The following SLC25A17 variants were observed in gnomAD, a reference collection of about 807,000 sequenced individuals.
SLC25A17 encodes solute carrier family 25 member 17, also known as peroxisomal membrane protein PMP34.
In SLC25A17, 26 loss-of-function variants were observed where a neutral mutation model predicts 38.5. The ratio of observed to expected loss-of-function variants is 0.68; its 90% CI spans 0.50 to 0.94. The LOEUF is 0.94. SLC25A17 is among the 40% of genes least tolerant of loss of function. The pLI is 0.00. For synonymous variants in SLC25A17, 139 were observed against 136.2 expected, an observed-to-expected ratio of 1.02 and a Z score of -0.14; for missense variants, 333 against 372.7, an observed-to-expected ratio of 0.89 and a Z score of 0.88.
At chr22:40,782,574 C>T (rs866156920) in intron 4 of SLC25A17, among the ~76,000 whole-genome samples, 6 of 152,106 alleles carry the variant, frequency 3.9e-5, no homozygotes, top group South Asian at 2.1e-4. Flanking sequence ...AAAACACAAA[C>T]GAAGTAGGCT....
At chr22:40,792,438 G>A in intron 4 of SLC25A17, 87 bp downstream of exon 4, 12 of 1,044,086 alleles carry the variant, frequency 1.1e-5, no homozygotes, top group South Asian at 4.5e-5. Context: ...TTCTTTGTAA[G>A]CATTACTTTG....
intron 1 of SLC25A17, among the ~76,000 whole-genome samples, chr22:40,806,265 A>G (rs2057529175): frequency 6.6e-6 from 1 of 152,210 alleles, no homozygotes; most frequent in Non-Finnish European, 1.5e-5. Context: ...ACACACACAT[A>G]CACACACATG....
chr22:40,791,620 G>A (rs1272952281), intron 4 of SLC25A17, among the ~76,000 whole-genome samples: 1 of 151,998 alleles, frequency 6.6e-6, no homozygotes, highest in Admixed American at 6.6e-5. Flanking sequence ...TATACAAATG[G>A]CCAACAAACA....
chr22:40,781,835 T>C (rs563119681), intron 4 of SLC25A17, among the ~76,000 whole-genome samples: 1 of 152,104 alleles, frequency 6.6e-6, no homozygotes, highest in Admixed American at 6.6e-5. Flanking sequence ...GAGAGAAGCA[T>C]GCCACAAACC....
intron 5 of SLC25A17, among the ~76,000 whole-genome samples, chr22:40,778,579 T>A (rs1032518546): frequency 1.4e-4 from 22 of 152,232 alleles, no homozygotes; most frequent in Non-Finnish European, 2.4e-4. Context: ...TATTTTTTTT[T>A]AATTATACTT....
intron 5 of SLC25A17, 26 bp downstream of exon 5, chr22:40,778,983 T>C (rs945543826): frequency 5.3e-5 from 84 of 1,579,038 alleles, no homozygotes; most frequent in Non-Finnish European, 6.7e-5. Flanking sequence ...AACCCTTAAA[T>C]AGGAATTCAG....
In SLC25A17 at chr22:40,797,339, G is replaced by C. The variant is rs747642733; in HGVS notation, c.115+1684C>G. The stretch of plus-strand genomic sequence containing the variant: ...TTACAATTTCAACTTGAACAAATCT[G>C]AGGAAAAAACAAGCAAGAATCACAG... On this transcript the variant is annotated intron_variant, in intron 2 of 8. Transcript: ENST00000435456. The C allele has an allele frequency of 6.2e-6, 8 of 1,299,168 alleles. No homozygotes were observed. The South Asian group carries it at 8.6e-5, about 14-fold the overall frequency. The allele number at this position is 1,299,168 out of a possible 1,614,324, so 80.5% of individuals were successfully genotyped here.
chr22:40,788,475 G>A (rs1569404473), intron 4 of SLC25A17, among the ~76,000 whole-genome samples: 1 of 152,160 alleles, frequency 6.6e-6, no homozygotes, highest in Non-Finnish European at 1.5e-5. Context: ...GACAGATCAC[G>A]AGGTCAGGAG....
chr22:40,807,714 A>G (rs1168922086), intron 1 of SLC25A17, among the ~76,000 whole-genome samples: 1 of 152,106 alleles, frequency 6.6e-6, no homozygotes, highest in Non-Finnish European at 1.5e-5. Context: ...GCGCCACTGC[A>G]CTCCAGACTG....
intron 4 of SLC25A17, among the ~76,000 whole-genome samples, chr22:40,782,407 C>G (rs1355573609): frequency 6.6e-6 from 1 of 151,854 alleles, no homozygotes; most frequent in Admixed American, 6.6e-5. Flanking sequence ...AAATCATTTA[C>G]AAGAAAGAAT....
chr22:40,816,762 C>G (rs781713930), intron 1 of SLC25A17, among the ~76,000 whole-genome samples: 17 of 152,096 alleles, frequency 1.1e-4, no homozygotes, highest in Non-Finnish European at 2.4e-4. Flanking sequence ...AGGCGCCCAC[C>G]ACCATGCCTG....
Position 40,805,116 on chromosome 22 carries a change from C to T in SLC25A17, c.55-6033G>A, listed in dbSNP as rs111373716. Among the ~76,000 whole-genome samples, 838 of 152,294 alleles carry T rather than the reference C, an allele frequency of 5.5e-3. 7 individuals are homozygous for T. The highest frequency in any genetic ancestry group is 0.019 in the East Asian group (99 of 5,184). On this transcript the variant is annotated intron_variant, in intron 1 of 8. Coordinates refer to ENST00000435456, the MANE Select transcript of SLC25A17 (RefSeq NM_006358.4). ...TTTGGGAGGCCAAGGCAGTAGATCA[C>T]TTGAGGTCAAGAGTTCAAGACCAGC...
At position 40,794,568 on chromosome 22, in the gene SLC25A17, C is replaced by A. The variant is rs1432023353; in HGVS notation, c.128G>T (p.Arg43Ile). 6.2e-7 allele frequency: 1 copy of A among 1,609,704 alleles called. No homozygotes were observed. The highest frequency in any genetic ancestry group is 1.3e-5 in the African/African-American group (1 of 74,776). Residue 43 changes from arginine to isoleucine, a missense_variant, in exon 3 of 9, where the codon AGA (arginine) becomes ATA (isoleucine). Physicochemically the swap from Arg to Ile is moderately conservative, Grantham distance 97 (BLOSUM62 -3). Coordinates refer to ENST00000435456, the MANE Select transcript of SLC25A17 (RefSeq NM_006358.4). ...ARLRLQVDEK[R>I]KSKTTHMVLL... ...CACCATGTGTGTAGTTTTGGATTTT[C>A]TTTTCTCATCAACTACAAGACCAAA...
intron 5 of SLC25A17, 56 bp from the exon 6 acceptor site, chr22:40,777,429 A>AAGAC (rs1297471508): frequency 6.4e-7 from 1 of 1,552,450 alleles, no homozygotes; most frequent in Admixed American, 1.9e-5. Flanking sequence ...CCAACTAGAG[A>AAGAC]AGACAACATG....
At chr22:40,774,760 C>T (rs151309869) in intron 7 of SLC25A17, among the ~76,000 whole-genome samples, 3 of 152,228 alleles carry the variant, frequency 2.0e-5, no homozygotes, top group African/African-American at 7.2e-5. Context: ...TATAAGGATG[C>T]TACTGAATTC....
At position 40,792,527 on chromosome 22, in the gene SLC25A17, G is replaced by A; in HGVS notation, c.332C>T (p.Ala111Val). 1.2e-6 allele frequency: 2 copies of A among 1,603,866 alleles called. No individual in the cohort carries two copies. The highest frequency in any genetic ancestry group is 1.7e-6 in the Non-Finnish European group (2 of 1,174,910). ...TGKDLVVGFVAGVVNVLLTTP... is the reference protein window; with the variant it reads ...TGKDLVVGFVVGVVNVLLTTP... ...TTATACCCAGAAAACCTTGTTACCT[G>A]CAACAAACCCAACTACCAGATCTTT... is the stretch of plus-strand genomic sequence containing the variant. The change falls in exon 4 of 9, where the codon GCA becomes GTA. Residue 111 changes from alanine (A) to valine (V), a missense_variant and splice_region_variant. Ala to Val is a moderately conservative substitution (Grantham distance 64). Coordinates refer to ENST00000435456, the MANE Select transcript of SLC25A17 (RefSeq NM_006358.4).
At chr22:40,818,163 G>T (rs1427799640) in intron 1 of SLC25A17, among the ~76,000 whole-genome samples, 3 of 152,222 alleles carry the variant, frequency 2.0e-5, no homozygotes, top group African/African-American at 7.2e-5. Flanking sequence ...AGAGGATTCA[G>T]TGATGTTCCT....
At chr22:40,793,442 AAT>A (rs1569406556) in intron 3 of SLC25A17, among the ~76,000 whole-genome samples, 2 of 152,188 alleles carry the variant, frequency 1.3e-5, no homozygotes, top group Non-Finnish European at 2.9e-5. Flanking sequence ...GGCTAAATCA[AAT>A]TTAAGAAATC....
Position 40,779,140 on chromosome 22 carries a change from A to G in SLC25A17, c.335-15T>C, listed in dbSNP as rs1435248067. ...ATTAACCACTCCTTTAACAAGAAAG[A>G]TGGAGAGAAAAAGGGAAGGCAAAAT... is the stretch of plus-strand genomic sequence containing the variant. On this transcript the variant is annotated splice_polypyrimidine_tract_variant and intron_variant, in intron 4 of 8. Coordinates refer to ENST00000435456, the MANE Select transcript of SLC25A17 (RefSeq NM_006358.4). 6.2e-7 allele frequency: 1 copy of G among 1,614,186 alleles called. No individual in the cohort carries two copies.
Sources: gnomAD v4.1 joint callset for allele counts (sites outside exome capture counted in the v4.1 genomes callset) on GRCh38, gnomAD v4.1.1 for gene constraint, MANE v1.5 for transcripts, NCBI Gene and HGNC (gene_info 2026-07-23, HGNC 2026-07-21) for gene names.